Variants in ZNF808 observed in about 807,000 individuals in gnomAD.
ZNF808 encodes zinc finger protein 808.
ZNF808 carries 5 observed loss-of-function variants against 8.7 expected under a neutral mutation model. The ratio of observed to expected loss-of-function variants is 0.58; its 90% CI spans 0.30 to 1.21. The LOEUF is 1.21. Ranked by LOEUF, ZNF808 falls within the 50% of genes most tolerant of loss-of-function variation. The pLI, the probability that ZNF808 is intolerant of heterozygous loss-of-function variation, is 0.07. For missense variants in ZNF808, 1,103 were observed against 1,098.4 expected, an observed-to-expected ratio of 1.00 and a Z score of -0.06; for synonymous variants, 380 against 366.0, an observed-to-expected ratio of 1.04 and a Z score of -0.44.
chr19:52,542,460 AGC>A (rs773793207), intron 2 of ZNF808, among the ~76,000 whole-genome samples: 50,342 of 151,672 alleles, frequency 0.33, 9,163 homozygotes, highest in East Asian at 0.52. Context: ...TCTTCCCCTC[AGC>A]TGCAAGTGAC....
chr19:52,542,446 A>T (rs1265322312), intron 2 of ZNF808, among the ~76,000 whole-genome samples: 4 of 149,952 alleles, frequency 2.7e-5, no homozygotes, highest in African/African-American at 9.9e-5. Context: ...TCTCTCTAGG[A>T]TGCTCTTCCC....
In ZNF808 at chr19:52,556,073, C is replaced by T; in HGVS notation, c.*445C>T. On this transcript the variant is annotated 3_prime_UTR_variant, in exon 5 of 5. Transcript: ENST00000359798. Reference sequence around the variant, plus strand: ...GCAGTGAGTATAGCAAACCATCAAGCATTAATTGACATTGGAGTCAATTCA... The same window carrying T: ...GCAGTGAGTATAGCAAACCATCAAGTATTAATTGACATTGGAGTCAATTCA... 1 of 442,326 alleles carries T rather than the reference C, an allele frequency of 2.3e-6. No individual in the cohort carries two copies. Among genetic ancestry groups the T allele is most frequent in the Non-Finnish European group, 4.5e-6 (1 of 221,488 alleles). The allele number at this position is 442,326 out of a possible 1,614,324, so 27.4% of individuals were successfully genotyped here.
At chr19:52,530,429 A>T (rs1274395020) in intron 1 of ZNF808, among the ~76,000 whole-genome samples, 1 of 151,132 alleles carries the variant, frequency 6.6e-6, no homozygotes, top group African/African-American at 2.4e-5. Flanking sequence ...GTTGGGAGAC[A>T]GAGGTGGGTG....
downstream of ZNF808, among the ~76,000 whole-genome samples, chr19:52,565,096 T>A (rs2059869853): frequency 6.6e-6 from 1 of 151,540 alleles, no homozygotes; most frequent in Non-Finnish European, 1.5e-5. Context: ...AAAAAATAAA[T>A]AAATAAATAA....
intron 2 of ZNF808, among the ~76,000 whole-genome samples, chr19:52,537,077 T>G (rs1393333551): frequency 1.3e-5 from 2 of 151,896 alleles, no homozygotes; most frequent in African/African-American, 4.8e-5. Flanking sequence ...TGTCAGCTAT[T>G]AGGGAGGCTG....
chr19:52,555,289 C>A lies in ZNF808; in HGVS notation c.2373C>A (p.Tyr791Ter). 1.2e-6 allele frequency: 2 copies of A among 1,614,140 alleles called. No homozygotes were observed. The highest frequency in any genetic ancestry group is 8.5e-7 in the Non-Finnish European group (1 of 1,180,028). The change falls in exon 5 of 5, where the codon TAC (tyrosine) becomes TAA (stop). Residue 791 changes from tyrosine to a stop codon, truncating the protein, a stop_gained. Transcript: ENST00000359798. LOFTEE classifies it low-confidence loss of function (END_TRUNC). ...HRRLHTGEKS[Y>*]KCTVCDKAFV... is the part of the protein sequence containing the mutation. The stretch of plus-strand genomic sequence containing the variant: ...GACTTCATACTGGAGAGAAATCTTA[C>A]AAATGTACGGTTTGTGACAAGGCTT...
At chr19:52,543,086 G>T (rs547571988) in intron 2 of ZNF808, among the ~76,000 whole-genome samples, 180 bp from the exon 3 acceptor site, 1 of 152,000 alleles carries the variant, frequency 6.6e-6, no homozygotes, top group Non-Finnish European at 1.5e-5. Flanking sequence ...TCTGAAGACC[G>T]GGGTCAAACA....
rs755564494 is a variant in ZNF808 at position 52,555,423 on chromosome 19, G to A, written c.2507G>A (p.Arg836His). The A allele has an allele frequency of 3.4e-5, 55 of 1,613,898 alleles. No homozygotes were observed. The East Asian group carries it at 5.6e-4, about 16-fold the overall frequency. ...KAFNEQSHLS[R>H]HHRIHTGEKP... ...TTTAATGAACAATCACACCTTTCACGTCATCATAGAATTCATACTGGAGAG... is the reference window on the plus strand; with the variant it reads ...TTTAATGAACAATCACACCTTTCACATCATCATAGAATTCATACTGGAGAG... The change falls in exon 5 of 5, where the codon CGT becomes CAT. Residue 836 changes from arginine to histidine, a missense_variant. Coordinates refer to ENST00000359798, the MANE Select transcript of ZNF808 (RefSeq NM_001039886.4).
chr19:52,558,192 TCTC>T (rs1245260546), downstream of ZNF808, among the ~76,000 whole-genome samples: 2 of 150,066 alleles, frequency 1.3e-5, no homozygotes, highest in African/African-American at 4.9e-5. Context: ...TTCACGCCAT[TCTC>T]CTGCCTCAGC....
intron 2 of ZNF808, among the ~76,000 whole-genome samples, chr19:52,536,355 G>GGATTCCCAGCCTCTCC (rs2059611300): frequency 6.6e-6 from 1 of 152,084 alleles, no homozygotes; most frequent in African/African-American, 2.4e-5. Context: ...GACCCGCGAG[G>GGATTCCCAGCCTCTCC]TGGATTCCCG....
intron 2 of ZNF808, among the ~76,000 whole-genome samples, chr19:52,533,675 G>A (rs1346832842): frequency 6.6e-6 from 1 of 151,504 alleles, no homozygotes; most frequent in Non-Finnish European, 1.5e-5. Flanking sequence ...CAAACATGTT[G>A]AAACCCTGTC....
downstream of ZNF808, among the ~76,000 whole-genome samples, chr19:52,557,987 T>C (rs1000419499): frequency 2.2e-5 from 3 of 137,348 alleles, no homozygotes; most frequent in East Asian, 7.5e-4. Context: ...CTGAAATGAC[T>C]GGCAAAATGG....
intron 2 of ZNF808, among the ~76,000 whole-genome samples, chr19:52,543,032 C>T (rs1039126036): frequency 2.0e-5 from 3 of 151,958 alleles, no homozygotes; most frequent in Admixed American, 6.6e-5. Context: ...CCAGGTCCCC[C>T]CTGCTGCCTC....
chr19:52,531,939 T>C (rs1288633628), intron 1 of ZNF808, among the ~76,000 whole-genome samples: 1 of 152,228 alleles, frequency 6.6e-6, no homozygotes. Context: ...GATCTTAACA[T>C]GTATTTCAGT....
downstream of ZNF808, among the ~76,000 whole-genome samples, chr19:52,558,087 C>CT (rs11410246): frequency 0.2 from 8,787 of 44,230 alleles, 491 homozygotes; most frequent in Middle Eastern, 0.32. Flanking sequence ...TTCTTTCTTT[C>CT]TTTTTTTTTT....
At position 52,547,516 on chromosome 19, in the gene ZNF808, G is replaced by A. The variant is rs1341993457; in HGVS notation, c.68G>A (p.Arg23His). ...KESGMALPQG[R>H]LTFRDVAIEF... Reference sequence around the variant, plus strand: ...GAAATGTATGTTTCATTTTAGGGACGCTTGACTTTCAGGGATGTGGCTATA... The same window carrying A: ...GAAATGTATGTTTCATTTTAGGGACACTTGACTTTCAGGGATGTGGCTATA... Residue 23 changes from arginine (R) to histidine (H), a missense_variant, in exon 4 of 5, where the codon CGC becomes CAC. Physicochemically the swap from Arg to His is conservative, Grantham distance 29. Transcript: ENST00000359798. 9.3e-6 allele frequency: 15 copies of A among 1,613,676 alleles called. No homozygotes were observed. Among genetic ancestry groups the A allele is most frequent in the East Asian group, 2.2e-5 (1 of 44,854 alleles).
chr19:52,559,142 AAAGAGGAAGGCCTCTTTGCAGTTGAGGT>A (rs2059848465), downstream of ZNF808, among the ~76,000 whole-genome samples: 1 of 152,088 alleles, frequency 6.6e-6, no homozygotes, highest in African/African-American at 2.4e-5. Flanking sequence ...AGGATTAGTA[AAAGAGGAAGGCCTCTTTGCAGTTGAGGT>A]AAGAGGAAGG....
chr19:52,561,200 CTCTCTCTCTCTCTATA>C (rs1302943635), downstream of ZNF808, among the ~76,000 whole-genome samples: 672 of 47,008 alleles, frequency 0.014, 9 homozygotes, highest in Admixed American at 0.082. Context: ...CTCTCTCTCT[CTCTCTCTCTCTCTATA>C]TATATATATA....
chr19:52,561,006 A>G (rs1600052199), downstream of ZNF808, among the ~76,000 whole-genome samples: 1 of 151,962 alleles, frequency 6.6e-6, no homozygotes, highest in East Asian at 1.9e-4. Context: ...CACTGGACAA[A>G]ATTATAGGAG....
Sources: allele counts gnomAD v4.1 joint callset (sites outside exome capture counted in the v4.1 genomes callset), GRCh38; gene constraint gnomAD v4.1.1; transcripts MANE v1.5; gene names NCBI Gene and HGNC (gene_info 2026-07-23, HGNC 2026-07-21).